Variants in MTHFD1 observed in about 807,000 individuals in gnomAD.
MTHFD1 encodes C-1-tetrahydrofolate synthase, cytoplasmic.
In MTHFD1, 44 loss-of-function variants were observed where a neutral mutation model predicts 110.3. That is an observed-to-expected ratio of 0.40 (90% CI 0.31 to 0.51). The LOEUF is 0.51. Ranked by LOEUF, MTHFD1 falls within the 20% of genes least tolerant of loss-of-function variation. MTHFD1 has a pLI of 0.60. For synonymous variants in MTHFD1, 402 were observed against 428.8 expected (o/e 0.94, Z 0.77); for missense variants, 909 against 1,173.1 (o/e 0.77, Z 3.29).
chr14:64,420,660 A>G (rs1016448424), intron 8 of MTHFD1, among the ~76,000 whole-genome samples: 1 of 151,288 alleles, frequency 6.6e-6, no homozygotes, highest in African/African-American at 2.4e-5. Flanking sequence ...GCTGCTTCCC[A>G]CTCAGATCTA....
intron 16 of MTHFD1, among the ~76,000 whole-genome samples, chr14:64,437,628 G>C (rs183834002): frequency 6.6e-6 from 1 of 152,270 alleles, no homozygotes; most frequent in East Asian, 1.9e-4. Context: ...GACACGAATC[G>C]CAAGTCCAGG....
chr14:64,448,980 T>C (rs1010511052), intron 23 of MTHFD1: 1 of 243,840 alleles, frequency 4.1e-6, no homozygotes, highest in Non-Finnish European at 8.1e-6. Context: ...TTTGTATTTT[T>C]AGTAGAGACG....
intron 21 of MTHFD1, among the ~76,000 whole-genome samples, chr14:64,444,470 T>G (rs544898876): frequency 6.6e-6 from 1 of 152,212 alleles, no homozygotes; most frequent in East Asian, 1.9e-4. Flanking sequence ...CTCACCTCCT[T>G]AATTCAGGTC....
In MTHFD1 at chr14:64,417,573, C is replaced by G. The variant is rs2078034116; in HGVS notation, c.479-315C>G. Among the ~76,000 whole-genome samples the G allele has an allele frequency of 1.3e-5, 2 of 152,160 alleles. No individual in the cohort carries two copies. The highest frequency in any genetic ancestry group is 6.5e-5 in the Admixed American group (1 of 15,270). ...TAATCTGATGTCTTCTTCCGTATGG[C>G]TGATTAGCTGTATGTCAGGGTTTCT... is the stretch of plus-strand genomic sequence containing the variant. On this transcript the variant is annotated intron_variant, in intron 6 of 27. Transcript: ENST00000652337. The surrounding 1 kb of genome is among the most constrained non-coding windows in gnomAD (Gnocchi z 4.4).
At chr14:64,406,633 C>T (rs767174724) in intron 2 of MTHFD1, among the ~76,000 whole-genome samples, 7 of 151,842 alleles carry the variant, frequency 4.6e-5, no homozygotes, top group Non-Finnish European at 7.4e-5. Flanking sequence ...GCTGGGACTA[C>T]AGGCATCCAG....
chr14:64,435,451 A>G (rs1043045512), intron 15 of MTHFD1, 118 bp from the exon 16 acceptor site: 1 of 737,948 alleles, frequency 1.4e-6, no homozygotes, highest in South Asian at 1.4e-5. Context: ...TCTGAATTTA[A>G]GATGGTTTGC....
chr14:64,428,049 C>A (rs2078130858), intron 12 of MTHFD1, among the ~76,000 whole-genome samples: 2 of 151,598 alleles, frequency 1.3e-5, no homozygotes, highest in South Asian at 4.2e-4. Context: ...TAAATTACTA[C>A]CATACTCGCA....
At chr14:64,424,961 T>A (rs551401413) in intron 9 of MTHFD1, 30 bp downstream of exon 9, 1 of 1,613,676 alleles carries the variant, frequency 6.2e-7, no homozygotes, top group Non-Finnish European at 8.5e-7. Context: ...TCTATAAGAG[T>A]TCTGAAAAGC....
chr14:64,441,787 A>G, intron 19 of MTHFD1: 1 of 563,786 alleles, frequency 1.8e-6, no homozygotes, highest in Non-Finnish European at 3.1e-6. Context: ...TGGGCGACAG[A>G]GCGAGACTCC....
chr14:64,406,047 A>ATT (rs201337278), intron 2 of MTHFD1, among the ~76,000 whole-genome samples: 3 of 147,742 alleles, frequency 2.0e-5, no homozygotes, highest in Non-Finnish European at 4.5e-5. Flanking sequence ...TATTATTATT[A>ATT]TTTTTTTTGA....
intron 22 of MTHFD1, among the ~76,000 whole-genome samples, chr14:64,446,677 G>C: frequency 6.6e-6 from 1 of 152,120 alleles, no homozygotes; most frequent in Non-Finnish European, 1.5e-5. Flanking sequence ...AAGAAGCTGC[G>C]ACTACAAGCA....
In MTHFD1 at chr14:64,459,743, T is replaced by C; in HGVS notation, c.*5-16T>C. ...CTTGCTTAGAGAAAACATTTATTTC[T>C]TGTTTTTCCTTCCAGATCACCATCC... On this transcript the variant is annotated splice_polypyrimidine_tract_variant and intron_variant, in intron 27 of 27. Transcript: ENST00000652337. 6.5e-7 allele frequency: 1 copy of C among 1,528,364 alleles called. No homozygotes were observed. The allele number at this position is 1,528,364 out of a possible 1,614,324, so 94.7% of individuals were successfully genotyped here.
chr14:64,445,066 A>T (rs1396932992), intron 22 of MTHFD1: 3 of 379,236 alleles, frequency 7.9e-6, no homozygotes, highest in Non-Finnish European at 1.5e-5. Flanking sequence ...TGCTACTGGA[A>T]TCTAGTGGGT....
chr14:64,394,984 C>A (rs2140941395), intron 1 of MTHFD1, among the ~76,000 whole-genome samples: 1 of 152,256 alleles, frequency 6.6e-6, no homozygotes, highest in South Asian at 2.1e-4. Context: ...CTCTAGCGGC[C>A]AGATCTATGG....
chr14:64,459,982 G>A lies in MTHFD1; in HGVS notation c.*228G>A, dbSNP rs555466113. On this transcript the variant is annotated 3_prime_UTR_variant, in exon 28 of 28. Coordinates refer to ENST00000652337, the MANE Select transcript of MTHFD1 (RefSeq NM_005956.4). Reference sequence around the variant, plus strand: ...CTGTTTACTTTAGTGACGTTCCACAGAATAAAAGGAAACAAGTTTGCCATC... The same window carrying A: ...CTGTTTACTTTAGTGACGTTCCACAAAATAAAAGGAAACAAGTTTGCCATC... 3.4e-6 allele frequency: 5 copies of A among 1,450,270 alleles called. No individual in the cohort carries two copies. In the East Asian group the frequency reaches 7.4e-5, roughly 22 times the overall value. 89.8% of individuals were successfully genotyped at this position (1,450,270 alleles called of 1,614,324 possible).
intron 22 of MTHFD1, among the ~76,000 whole-genome samples, chr14:64,447,896 C>T (rs1032978476): frequency 1.3e-5 from 2 of 152,080 alleles, no homozygotes; most frequent in African/African-American, 4.8e-5. Flanking sequence ...GTAAGGGTAA[C>T]TAATTCCTTT....
intron 15 of MTHFD1, among the ~76,000 whole-genome samples, chr14:64,434,827 T>G (rs1435665306): frequency 2.0e-5 from 3 of 151,692 alleles, no homozygotes; most frequent in Non-Finnish European, 4.4e-5. Context: ...TTCTGTTTTT[T>G]TTTTTTTTTT....
chr14:64,427,749 A>G (rs2078128940), intron 12 of MTHFD1, among the ~76,000 whole-genome samples: 1 of 152,250 alleles, frequency 6.6e-6, no homozygotes, highest in Admixed American at 6.5e-5. Flanking sequence ...CCACTGCTAC[A>G]GTAACCATAA....
intron 1 of MTHFD1, among the ~76,000 whole-genome samples, chr14:64,398,772 A>C (rs1354176894): frequency 1.3e-5 from 2 of 152,244 alleles, no homozygotes; most frequent in African/African-American, 4.8e-5. Context: ...TCCATATGAC[A>C]AATGACAAAA....
Sources: gnomAD v4.1 joint callset for allele counts (sites outside exome capture counted in the v4.1 genomes callset) on GRCh38, gnomAD v4.1.1 for gene constraint, Gnocchi (gnomAD v3.1) non-coding constraint, MANE v1.5 for transcripts, NCBI Gene and HGNC (gene_info 2026-07-23, HGNC 2026-07-21) for gene names.